The following GPSM2 variants were observed in gnomAD, a reference collection of about 807,000 sequenced individuals.
GPSM2 encodes the protein G protein signaling modulator 2.
A neutral mutation model predicts 78.4 loss-of-function variants in GPSM2; 58 were observed. The ratio of observed to expected loss-of-function variants is 0.74; its 90% confidence interval spans 0.60 to 0.92. The LOEUF is 0.92. GPSM2 is among the 40% of genes least tolerant of loss of function. The probability of loss-of-function intolerance (pLI) is 0.00; values close to 1 mark genes in which losing one functional copy is unlikely to be tolerated. For missense variants in GPSM2, 700 were observed against 815.5 expected (o/e 0.86, Z 1.73); for synonymous variants, 224 against 280.2 (o/e 0.80, Z 2.00).
intron 2 of GPSM2, among the ~76,000 whole-genome samples, chr1:108,896,019 G>A (rs1190955828): frequency 2.0e-5 from 3 of 152,042 alleles, no homozygotes; most frequent in African/African-American, 7.2e-5. Context: ...ATAATTAAAC[G>A]AATAGGTAGT....
intron 14 of GPSM2, chr1:108,924,445 GTGTATA>G: frequency 1.7e-6 from 1 of 577,162 alleles, no homozygotes; most frequent in Non-Finnish European, 3.1e-6. Context: ...GTGTGTGTGT[GTGTATA>G]TATATAGAGA....
At chr1:108,924,485 G>T (rs1650981802) in intron 14 of GPSM2, 6 of 474,808 alleles carry the variant, frequency 1.3e-5, no homozygotes, top group South Asian at 1.3e-4. Flanking sequence ...TGTTGTATTA[G>T]GTAATTATGC....
Position 108,930,008 on chromosome 1 carries a change from AAGG to A in GPSM2, c.*71_*73del, listed in dbSNP as rs1651654659. The A allele has an allele frequency of 1.4e-6, 2 of 1,437,372 alleles. No homozygotes were observed. The highest frequency in any genetic ancestry group is 2.3e-5 in the East Asian group (1 of 43,994). 89.0% of individuals were successfully genotyped at this position (1,437,372 alleles called of 1,614,324 possible). On this transcript the variant is annotated 3_prime_UTR_variant, in exon 15 of 15. Transcript: ENST00000264126. ...AACAATCTATTACTTTTTTCCTTAA[AAGG>A]AGAATTTATAGCACTGTAATACAGC...
At chr1:108,904,005 A>G in intron 9 of GPSM2, 120 bp from the exon 10 acceptor site, 1 of 734,416 alleles carries the variant, frequency 1.4e-6, no homozygotes, top group South Asian at 1.6e-5. Context: ...CATAATTCTA[A>G]TATAACTATT....
intron 8 of GPSM2, 80 bp downstream of exon 8, chr1:108,902,025 T>A: frequency 1.1e-6 from 1 of 937,890 alleles, no homozygotes; most frequent in Non-Finnish European, 1.7e-6. Flanking sequence ...CCTTTGTTTC[T>A]TTTCCTTTGT....
chr1:108,906,393 A>G (rs1649221562), intron 10 of GPSM2, among the ~76,000 whole-genome samples: 1 of 152,014 alleles, frequency 6.6e-6, no homozygotes, highest in African/African-American at 2.4e-5. Flanking sequence ...ACCTATCAGA[A>G]ACCTGCCTTC....
At chr1:108,890,191 C>G (rs1440288751) in intron 2 of GPSM2, among the ~76,000 whole-genome samples, 1 of 152,200 alleles carries the variant, frequency 6.6e-6, no homozygotes, top group Non-Finnish European at 1.5e-5. Flanking sequence ...ATGGTGCTCC[C>G]TTCCTCCTCA....
In GPSM2 at chr1:108,917,633, T is replaced by C. The variant is rs1444961840; in HGVS notation, c.1264-980T>C. Among the ~76,000 whole-genome samples the C allele has an allele frequency of 7.6e-3, 147 of 19,216 alleles. 7 individuals are homozygous for C. Among genetic ancestry groups the C allele is most frequent in the Middle Eastern group, 0.026 (1 of 38 alleles). 12.6% of individuals were successfully genotyped at this position (19,216 alleles called of 152,430 possible). A position where few individuals can be genotyped will look rare whatever the true frequency, so the allele number is the denominator to read the frequency against. On this transcript the variant is annotated intron_variant, in intron 11 of 14. Coordinates refer to ENST00000264126, the MANE Select transcript of GPSM2 (RefSeq NM_013296.5). ...ACACATATATATATATATATATATA[T>C]ATATATATATATATATATATATATA...
Position 108,918,794 on chromosome 1 carries a change from G to A in GPSM2, c.1440+5G>A, listed in dbSNP as rs751248763. 26 of 1,603,522 alleles carry A rather than the reference G, an allele frequency of 1.6e-5. No homozygotes were observed. The highest frequency in any genetic ancestry group is 2.2e-5 in the East Asian group (1 of 44,810). On this transcript the variant is annotated splice_donor_5th_base_variant and intron_variant, in intron 12 of 14. Transcript: ENST00000264126. ...CGAATTCCAAATTCTCAGAGGGTAC[G>A]TTTAAACTAAGTTTTTGAGTATTGT... is the stretch of plus-strand genomic sequence containing the variant.
intron 2 of GPSM2, among the ~76,000 whole-genome samples, chr1:108,892,063 C>T (rs1053180765): frequency 6.6e-6 from 1 of 151,952 alleles, no homozygotes; most frequent in Non-Finnish European, 1.5e-5. Flanking sequence ...AAGGTTCATG[C>T]CCAATTAGAA....
At chr1:108,895,175 G>A (rs183048186) in intron 2 of GPSM2, among the ~76,000 whole-genome samples, 17 of 152,300 alleles carry the variant, frequency 1.1e-4, no homozygotes, top group African/African-American at 2.2e-4. Context: ...GGAGTTCAGC[G>A]TTGGGAGTTT....
chr1:108,926,107 T>C (rs1651099723), intron 14 of GPSM2, among the ~76,000 whole-genome samples: 1 of 152,088 alleles, frequency 6.6e-6, no homozygotes, highest in South Asian at 2.1e-4. Context: ...ATAGTTGACT[T>C]AGAGAAACTG....
At chr1:108,913,618 C>T (rs939283861) in intron 10 of GPSM2, among the ~76,000 whole-genome samples, 4 of 152,100 alleles carry the variant, frequency 2.6e-5, no homozygotes, top group African/African-American at 7.2e-5. Context: ...GAAATACATA[C>T]ATTTGTAATG....
intron 2 of GPSM2, among the ~76,000 whole-genome samples, chr1:108,889,276 A>G (rs1313529204): frequency 6.6e-6 from 1 of 152,196 alleles, no homozygotes; most frequent in Non-Finnish European, 1.5e-5. Context: ...GTTTCCATTA[A>G]CTGGAACGGG....
chr1:108,886,854 A>T (rs189946120), intron 2 of GPSM2, among the ~76,000 whole-genome samples: 2 of 151,808 alleles, frequency 1.3e-5, no homozygotes, highest in East Asian at 3.9e-4. Context: ...GAAATCTGAA[A>T]ATCTGAAGAG....
intron 2 of GPSM2, among the ~76,000 whole-genome samples, chr1:108,894,216 C>G (rs1055439935): frequency 1.3e-5 from 2 of 151,838 alleles, no homozygotes; most frequent in African/African-American, 4.8e-5. Flanking sequence ...TTTTGGAAGG[C>G]AAAAATAGGC....
chr1:108,908,333 T>G (rs1398343738), intron 10 of GPSM2, among the ~76,000 whole-genome samples: 1 of 149,076 alleles, frequency 6.7e-6, no homozygotes, highest in Non-Finnish European at 1.5e-5. Context: ...ATTGCTCCAC[T>G]GCACTCCAGC....
chr1:108,917,976 A>T (rs779697546), intron 11 of GPSM2, among the ~76,000 whole-genome samples: 4 of 152,106 alleles, frequency 2.6e-5, no homozygotes, highest in Admixed American at 2.0e-4. Flanking sequence ...ATTACATAGC[A>T]TGAACCTTTA....
intron 10 of GPSM2, among the ~76,000 whole-genome samples, chr1:108,910,279 C>T (rs56243391): frequency 1.2e-4 from 18 of 152,170 alleles, no homozygotes; most frequent in East Asian, 7.7e-4. Flanking sequence ...TAAAGAAATT[C>T]GAGCAGTAAT....
Sources: gnomAD v4.1 joint callset for allele counts (sites outside exome capture counted in the v4.1 genomes callset) on GRCh38, gnomAD v4.1.1 for gene constraint, MANE v1.5 for transcripts, NCBI Gene and HGNC (gene_info 2026-07-23, HGNC 2026-07-21) for gene names.